The following DCT variants were observed in gnomAD, a reference collection of about 807,000 sequenced individuals.
DCT encodes dopachrome tautomerase, also known as L-dopachrome tautomerase.
In DCT, 47 loss-of-function variants were observed where a neutral mutation model predicts 53.0. The ratio of observed to expected loss-of-function variants is 0.89; its 90% confidence interval spans 0.70 to 1.13. The LOEUF is 1.13. DCT is among the 50% of genes most tolerant of loss of function. DCT has a pLI of 0.00. For synonymous variants in DCT, 244 were observed against 237.0 expected, an observed-to-expected ratio of 1.03 and a Z score of -0.27; for missense variants, 669 against 637.4, an observed-to-expected ratio of 1.05 and a Z score of -0.53.
upstream of DCT, among the ~76,000 whole-genome samples, chr13:94,481,235 A>G (rs1218137419): frequency 3.3e-5 from 5 of 152,220 alleles, no homozygotes; most frequent in African/African-American, 9.6e-5. Flanking sequence ...TCACTCAATT[A>G]CATCTGCAAA....
chr13:94,522,253 C>T, the DCT span, among the ~76,000 whole-genome samples: 1 of 152,178 alleles, frequency 6.6e-6, no homozygotes, highest in African/African-American at 2.4e-5. Context: ...TCTGAGTGGG[C>T]ACAATCTAAT....
At chr13:94,444,797 T>C (rs7987802) in intron 6 of DCT, among the ~76,000 whole-genome samples, 121,879 of 152,260 alleles carry the variant, frequency 0.8, 50,298 homozygotes, top group African/African-American at 0.93. Context: ...CCACTGTACC[T>C]TGTACCTCAT....
the DCT span, among the ~76,000 whole-genome samples, chr13:94,548,146 A>C: frequency 6.6e-6 from 1 of 151,844 alleles, no homozygotes; most frequent in Non-Finnish European, 1.5e-5. Flanking sequence ...ACTTACAGTA[A>C]CATTTAGGAG....
At chr13:94,492,387 C>G in the DCT span, among the ~76,000 whole-genome samples, 1 of 152,180 alleles carries the variant, frequency 6.6e-6, no homozygotes, top group Non-Finnish European at 1.5e-5. Flanking sequence ...TTCCTCTGAA[C>G]TAAGCTTGAG....
chr13:94,525,852 C>T, the DCT span, among the ~76,000 whole-genome samples: 27 of 152,158 alleles, frequency 1.8e-4, no homozygotes, highest in Admixed American at 6.5e-4. Context: ...ATTAGCCAGG[C>T]GTGGTGGTGC....
At chr13:94,516,037 G>A in the DCT span, among the ~76,000 whole-genome samples, 6 of 55,694 alleles carry the variant, frequency 1.1e-4, no homozygotes, top group South Asian at 8.3e-4. Context: ...CTCAAGCCCC[G>A]CCCCCACCCC....
intron 7 of DCT, among the ~76,000 whole-genome samples, chr13:94,441,288 A>T (rs138085667): frequency 3.1e-4 from 47 of 152,292 alleles, no homozygotes; most frequent in African/African-American, 1.0e-3. Context: ...AAGACCAAAA[A>T]ATGGTTGCCT....
At chr13:94,506,418 A>G in the DCT span, among the ~76,000 whole-genome samples, 1 of 152,338 alleles carries the variant, frequency 6.6e-6, no homozygotes, top group East Asian at 1.9e-4. Context: ...ACAGAAAGCA[A>G]CTTGAAGAGC....
chr13:94,512,065 C>G, the DCT span, among the ~76,000 whole-genome samples: 35 of 152,198 alleles, frequency 2.3e-4, no homozygotes, highest in African/African-American at 8.4e-4. Flanking sequence ...TCCCACTAGA[C>G]CATAAGGCTT....
chr13:94,472,545 TATATATATATATATATA>T (rs1566855037), intron 1 of DCT, among the ~76,000 whole-genome samples: 7 of 30,642 alleles, frequency 2.3e-4, no homozygotes, highest in African/African-American at 7.2e-4. Flanking sequence ...TATATATATA[TATATATATATATATATA>T]TATATATTTT....
At chr13:94,461,684 A>C (rs1883796859) in intron 5 of DCT, among the ~76,000 whole-genome samples, 2 of 152,208 alleles carry the variant, frequency 1.3e-5, no homozygotes, top group Non-Finnish European at 2.9e-5. Flanking sequence ...AAGGAAAGAG[A>C]AAGAGCATGG....
At chr13:94,450,316 G>GA (rs372452220) in intron 6 of DCT, among the ~76,000 whole-genome samples, 7 of 151,308 alleles carry the variant, frequency 4.6e-5, no homozygotes, top group East Asian at 1.9e-4. Flanking sequence ...CCACGGAAGA[G>GA]AAAAAAAAAG....
chr13:94,492,392 C>T, the DCT span, among the ~76,000 whole-genome samples: 1 of 152,182 alleles, frequency 6.6e-6, no homozygotes, highest in African/African-American at 2.4e-5. Flanking sequence ...CTGAACTAAG[C>T]TTGAGGTTCC....
chr13:94,529,298 C>T, the DCT span, among the ~76,000 whole-genome samples: 31 of 152,320 alleles, frequency 2.0e-4, no homozygotes, highest in Non-Finnish European at 3.5e-4. Flanking sequence ...ACCTAATAAA[C>T]ATCTACAGAA....
At chr13:94,521,256 A>G in the DCT span, among the ~76,000 whole-genome samples, 1 of 152,270 alleles carries the variant, frequency 6.6e-6, no homozygotes, top group Non-Finnish European at 1.5e-5. Context: ...TGCGTATAAC[A>G]TGCTTAGCTC....
chr13:94,521,983 C>T, the DCT span, among the ~76,000 whole-genome samples: 3 of 152,202 alleles, frequency 2.0e-5, no homozygotes, highest in Admixed American at 1.3e-4. Context: ...ATCAATGGAA[C>T]CATATAATAC....
the DCT span, among the ~76,000 whole-genome samples, chr13:94,489,979 T>C: frequency 5.9e-5 from 9 of 152,350 alleles, no homozygotes; most frequent in East Asian, 9.6e-4. Context: ...TATGCTATTC[T>C]GTTAGCCTTG....
intron 6 of DCT, among the ~76,000 whole-genome samples, chr13:94,459,419 G>A (rs947099248): frequency 6.6e-6 from 1 of 152,188 alleles, no homozygotes. Flanking sequence ...TATTAGCCAG[G>A]AAAGGGGATG....
In DCT at chr13:94,468,884, G is replaced by A. The variant is rs1483748517; in HGVS notation, c.457C>T (p.His153Tyr). The A allele has an allele frequency of 6.2e-7, 1 of 1,614,136 alleles. No individual in the cohort carries two copies. The highest frequency in any genetic ancestry group is 8.5e-7 in the Non-Finnish European group (1 of 1,180,024). Residue 153 changes from histidine to tyrosine, a missense_variant, in exon 2 of 8, where the codon CAC becomes TAC. His to Tyr is a moderately conservative substitution (Grantham distance 83, BLOSUM62 2). Coordinates refer to ENST00000377028, the MANE Select transcript of DCT (RefSeq NM_001922.5). ...GALDLAKKRV[H>Y]PDYVITTQHW... ...TGTGTGGTGATCACGTAGTCGGGGT[G>A]TACTCTCTTCTTCGCGAGATCTAAG...
Sources: allele counts gnomAD v4.1 joint callset (sites outside exome capture counted in the v4.1 genomes callset), GRCh38; gene constraint gnomAD v4.1.1; transcripts MANE v1.5; gene names NCBI Gene and HGNC (gene_info 2026-07-23, HGNC 2026-07-21).